Variants in ANK2 observed in about 807,000 individuals in gnomAD.
The protein encoded by ANK2 is ankyrin-2.
A neutral mutation model predicts 360.5 loss-of-function variants in ANK2; 83 were observed. The ratio of observed to expected loss-of-function variants is 0.23; its 90% CI spans 0.19 to 0.28. ANK2 has a LOEUF of 0.28. Ranked by LOEUF, ANK2 falls within the 10% of genes least tolerant of loss-of-function variation. The pLI is 1.00. For synonymous variants in ANK2, 1,740 were observed against 1,759.5 expected (o/e 0.99, Z 0.28); for missense variants, 4,201 against 4,795.7 (o/e 0.88, Z 3.66).
chr4:113,194,561 T>A (rs1026160295), intron 2 of ANK2, among the ~76,000 whole-genome samples: 1 of 152,176 alleles, frequency 6.6e-6, no homozygotes, highest in African/African-American at 2.4e-5. Flanking sequence ...GATAACTTTG[T>A]TTTTTAGGAT....
At chr4:112,861,500 C>T (rs1192038183) in intron 1 of ANK2, among the ~76,000 whole-genome samples, 1 of 152,142 alleles carries the variant, frequency 6.6e-6, no homozygotes. Flanking sequence ...ATGCTTTAGC[C>T]TTCTTGAGTA....
chr4:112,795,223 C>T, the ANK2 span, among the ~76,000 whole-genome samples: 1 of 152,094 alleles, frequency 6.6e-6, no homozygotes, highest in Non-Finnish European at 1.5e-5. Context: ...TCCACTGTGC[C>T]CCATCCCTAA....
At chr4:113,148,780 A>G (rs998136781) in intron 1 of ANK2, among the ~76,000 whole-genome samples, 1 of 152,206 alleles carries the variant, frequency 6.6e-6, no homozygotes, top group Non-Finnish European at 1.5e-5. Flanking sequence ...TGAGAGGGAA[A>G]TGTACTGGGA....
intron 1 of ANK2, among the ~76,000 whole-genome samples, chr4:113,093,250 A>G (rs1384601783): frequency 6.6e-6 from 1 of 152,190 alleles, no homozygotes; most frequent in East Asian, 1.9e-4. Context: ...TAAATCCTTC[A>G]GATTATTAAA....
chr4:113,010,138 G>A (rs931183868), intron 2 of ANK2, among the ~76,000 whole-genome samples: 1 of 152,088 alleles, frequency 6.6e-6, no homozygotes, highest in African/African-American at 2.4e-5. Flanking sequence ...ACTGTATTGT[G>A]TGATTCTTAT....
chr4:112,724,226 G>A, the ANK2 span, among the ~76,000 whole-genome samples: 329 of 152,060 alleles, frequency 2.2e-3, 3 homozygotes, highest in African/African-American at 7.6e-3. Flanking sequence ...CACCATGCCT[G>A]GTTAATTTTT....
At chr4:113,048,076 A>G (rs1410660319), upstream of ANK2, among the ~76,000 whole-genome samples, 3 of 151,604 alleles carry the variant, frequency 2.0e-5, no homozygotes, top group African/African-American at 7.3e-5. Flanking sequence ...TCCAATTTCA[A>G]AGTGCATTTA....
intron 1 of ANK2, chr4:113,117,463 T>C: frequency 2.2e-6 from 1 of 453,432 alleles, no homozygotes; most frequent in South Asian, 1.6e-5. Flanking sequence ...CAGCTCTGTG[T>C]AGCACCATCA....
intron 4 of ANK2, among the ~76,000 whole-genome samples, chr4:113,221,759 G>A (rs532819348): frequency 6.6e-6 from 1 of 152,296 alleles, no homozygotes; most frequent in African/African-American, 2.4e-5. Context: ...ATTAATTCAG[G>A]TTGCTGTATA....
intron 1 of ANK2, among the ~76,000 whole-genome samples, chr4:112,887,212 C>G (rs2078670927): frequency 1.3e-5 from 2 of 152,150 alleles, no homozygotes; most frequent in Non-Finnish European, 2.9e-5. Context: ...TATTTAGCCA[C>G]CAAAGTCATG....
chr4:112,759,799 A>G, the ANK2 span, among the ~76,000 whole-genome samples: 1 of 151,970 alleles, frequency 6.6e-6, no homozygotes, highest in Admixed American at 6.6e-5. Flanking sequence ...TTCTACGTTC[A>G]TATATATATA....
At position 113,353,325 on chromosome 4, in the gene ANK2, A is replaced by T. The variant is rs1291287354; in HGVS notation, c.4707A>T (p.Gly1569=). The T allele has an allele frequency of 1.2e-6, 2 of 1,613,996 alleles. No individual in the cohort carries two copies. Among genetic ancestry groups the T allele is most frequent in the Non-Finnish European group, 1.7e-6 (2 of 1,179,916 alleles). ...LEKVNEILRS[G]TCTRDESSVQ... is the part of the protein sequence containing the mutation. Reference sequence around the variant, plus strand: ...AAGTGAATGAAATCCTGAGAAGTGGAACCTGCACAAGAGATGAAAGCAGTG... The same window carrying T: ...AAGTGAATGAAATCCTGAGAAGTGGTACCTGCACAAGAGATGAAAGCAGTG... Residue 1569 remains glycine, a synonymous_variant, in exon 38 of 46, where the codon GGA becomes GGT. Transcript: ENST00000357077.
chr4:112,765,154 A>G, the ANK2 span, among the ~76,000 whole-genome samples: 1 of 152,246 alleles, frequency 6.6e-6, no homozygotes, highest in African/African-American at 2.4e-5. Flanking sequence ...ACCTCTCAAA[A>G]AACATGAACA....
chr4:113,210,579 T>C (rs1373668166), intron 4 of ANK2, among the ~76,000 whole-genome samples: 1 of 152,228 alleles, frequency 6.6e-6, no homozygotes, highest in African/African-American at 2.4e-5. Flanking sequence ...CTTCCATCAC[T>C]CACTAGCCTT....
intron 1 of ANK2, among the ~76,000 whole-genome samples, chr4:112,887,946 A>G (rs2078882735): frequency 1.3e-5 from 2 of 152,096 alleles, no homozygotes; most frequent in African/African-American, 4.8e-5. Flanking sequence ...TTTGATAAAT[A>G]TTTTACCATT....
chr4:112,957,775 G>C (rs1369590112), intron 2 of ANK2, among the ~76,000 whole-genome samples: 1 of 146,102 alleles, frequency 6.8e-6, no homozygotes, highest in Non-Finnish European at 1.5e-5. Flanking sequence ...GCTGCCGGGC[G>C]GAGGGGCTCC....
intron 1 of ANK2, among the ~76,000 whole-genome samples, chr4:112,820,457 G>A (rs985525070): frequency 1.3e-5 from 2 of 152,216 alleles, no homozygotes; most frequent in Non-Finnish European, 2.9e-5. Flanking sequence ...AACCTAAGGA[G>A]AGAACATTTT....
At chr4:113,041,750 C>T (rs1361800575) in intron 2 of ANK2, among the ~76,000 whole-genome samples, 2 of 152,068 alleles carry the variant, frequency 1.3e-5, no homozygotes, top group Non-Finnish European at 2.9e-5. Flanking sequence ...GTTTATTTCT[C>T]ATAGGTTTGA....
At chr4:112,825,052 A>G (rs1413793356) in intron 1 of ANK2, among the ~76,000 whole-genome samples, 1 of 152,234 alleles carries the variant, frequency 6.6e-6, no homozygotes, top group African/African-American at 2.4e-5. Flanking sequence ...ACATGGATCA[A>G]GATGGAAACC....
Sources: allele counts gnomAD v4.1 joint callset (sites outside exome capture counted in the v4.1 genomes callset), GRCh38; gene constraint gnomAD v4.1.1; transcripts MANE v1.5; gene names NCBI Gene and HGNC (gene_info 2026-07-23, HGNC 2026-07-21).